The following ATP5F1A variants were observed in gnomAD, a reference collection of about 807,000 sequenced individuals.
ATP5F1A encodes the protein ATP synthase F1 subunit alpha.
Under a neutral mutation model 57.4 loss-of-function variants are expected in ATP5F1A, and 24 were observed. The ratio of observed to expected loss-of-function variants is 0.42; its 90% CI spans 0.30 to 0.59. The LOEUF (loss-of-function observed/expected upper bound fraction) is 0.59. ATP5F1A is among the 20% of genes least tolerant of loss of function. The pLI, the probability that ATP5F1A is intolerant of heterozygous loss-of-function variation, is 0.19. For synonymous variants in ATP5F1A, 251 were observed against 255.5 expected (o/e 0.98, Z 0.17); for missense variants, 494 against 707.9 (o/e 0.70, Z 3.43).
In ATP5F1A at chr18:46,081,448, T is replaced by G. The variant is rs1227225606; in HGVS notation, c.*2834A>C. 2 of 151,440 alleles carry G rather than the reference T, an allele frequency of 1.3e-5. No homozygotes were observed. Among genetic ancestry groups the G allele is most frequent in the Non-Finnish European group, 2.9e-5 (2 of 67,924 alleles). The allele number at this position is 151,440 out of a possible 1,614,324, so 9.4% of individuals were successfully genotyped here. ...TACTTTGGGAGGCCGGTGGACCACC[T>G]AAGGTCAGGAGTTTGAGACCAGCCT... On this transcript the variant is annotated 3_prime_UTR_variant, in exon 12 of 12. Transcript: ENST00000398752.
chr18:46,097,637 G>A (rs1356414389), intron 1 of ATP5F1A, among the ~76,000 whole-genome samples: 1 of 151,730 alleles, frequency 6.6e-6, no homozygotes, highest in African/African-American at 2.4e-5. Flanking sequence ...AGCACTAAGA[G>A]AAAGCCTACG....
intron 5 of ATP5F1A, among the ~76,000 whole-genome samples, chr18:46,088,885 AC>A (rs1910325445): frequency 6.6e-6 from 1 of 151,810 alleles, no homozygotes; most frequent in African/African-American, 2.4e-5. Flanking sequence ...GGAGAAAACC[AC>A]CCTATGGCTG....
At position 46,098,251 on chromosome 18, in the gene ATP5F1A, G is replaced by A. The variant is rs773802115; in HGVS notation, c.-20C>T. 5.0e-6 allele frequency: 8 copies of A among 1,601,956 alleles called. No individual in the cohort carries two copies. In the South Asian group the frequency reaches 7.7e-5, roughly 15 times the overall value. ...CAGCATCTTTGCAGTTACTCCGCAG[G>A]CGGTACTTCTGCAGCCGCAGCCTCC... On this transcript the variant is annotated 5_prime_UTR_variant, in exon 1 of 12. Coordinates refer to ENST00000398752, the MANE Select transcript of ATP5F1A (RefSeq NM_004046.6).
upstream of ATP5F1A, chr18:46,099,428 C>T (rs555495900): frequency 6.6e-6 from 1 of 151,694 alleles, no homozygotes; most frequent in East Asian, 1.9e-4. Flanking sequence ...TTAACGTTGC[C>T]TTCACTTTTC....
At chr18:46,102,335 G>GT (rs1037588996), upstream of ATP5F1A, among the ~76,000 whole-genome samples, 21 of 150,600 alleles carry the variant, frequency 1.4e-4, no homozygotes, top group Admixed American at 3.3e-4. Context: ...GTTTTTTTTT[G>GT]TTTTTTGTGG....
Position 46,088,234 on chromosome 18 carries a change from G to T in ATP5F1A, c.674C>A (p.Thr225Lys). 6.3e-7 allele frequency: 1 copy of T among 1,588,636 alleles called. No individual in the cohort carries two copies. The highest frequency in any genetic ancestry group is 8.5e-7 in the Non-Finnish European group (1 of 1,174,072). Residue 225 changes from threonine to lysine, a missense_variant, in exon 6 of 12, where the codon ACA becomes AAA. Around this residue, in one of 6 missense-constraint regions of ATP5F1A, gnomAD observed 191 missense variants for 267.7 expected, o/e 0.71. Transcript: ENST00000398752. ...ATTGAAACGTTTCTGGTTAATGATT[G>T]TGTCAATAGCAATTGAGGTTTTCCT... ...QTGKTSIAID[T>K]IINQKRFNDG...
At position 46,097,093 on chromosome 18, in the gene ATP5F1A, T is replaced by C. The variant is rs1911022681; in HGVS notation, c.60+1079A>G. Among the ~76,000 whole-genome samples the C allele has an allele frequency of 2.7e-5, 4 of 150,810 alleles. No homozygotes were observed. The South Asian group carries it at 8.4e-4, about 32-fold the overall frequency. ...GGACTTATTTTACTCTCTCAACAAA[T>C]CCTGCAGCCACCTGGAACTTCCTTC... On this transcript the variant is annotated intron_variant, in intron 1 of 11. Coordinates refer to ENST00000398752, the MANE Select transcript of ATP5F1A (RefSeq NM_004046.6).
intron 1 of ATP5F1A, chr18:46,097,841 C>T: frequency 8.8e-7 from 1 of 1,136,822 alleles, no homozygotes; most frequent in South Asian, 4.0e-5. Context: ...CTCACCGATT[C>T]AGAACAGGCC....
At chr18:46,085,846 T>C (rs1255819887) in intron 10 of ATP5F1A, 2 of 391,262 alleles carry the variant, frequency 5.1e-6, no homozygotes, top group Non-Finnish European at 9.1e-6. Context: ...GGCAGGAGAA[T>C]CGCGTGAATC....
intron 5 of ATP5F1A, among the ~76,000 whole-genome samples, chr18:46,088,900 G>GT (rs1162151595): frequency 2.0e-5 from 3 of 152,016 alleles, no homozygotes; most frequent in African/African-American, 7.2e-5. Flanking sequence ...ATGGCTGGAG[G>GT]TGAGATATGC....
intron 3 of ATP5F1A, among the ~76,000 whole-genome samples, chr18:46,090,501 A>G (rs568067989): frequency 6.6e-6 from 1 of 152,342 alleles, no homozygotes; most frequent in African/African-American, 2.4e-5. Context: ...GTAACCAATC[A>G]AATACAAATT....
At chr18:46,102,628 C>T (rs1911309685), upstream of ATP5F1A, among the ~76,000 whole-genome samples, 1 of 152,048 alleles carries the variant, frequency 6.6e-6, no homozygotes. Context: ...CCAGCCAGAG[C>T]AGAGATATGT....
At position 46,097,876 on chromosome 18, in the gene ATP5F1A, G is replaced by A. The variant is rs528555432; in HGVS notation, c.60+296C>T. 5.8e-6 allele frequency: 7 copies of A among 1,209,648 alleles called. No individual in the cohort carries two copies. The African/African-American group carries it at 7.9e-5, about 14-fold the overall frequency. 74.9% of individuals were successfully genotyped at this position (1,209,648 alleles called of 1,614,324 possible). ...CTCGGAGAGCTAGCGCCCAAGCCCT[G>A]ACCTTCACCCAAGATCCCCCTTCTA... On this transcript the variant is annotated intron_variant, in intron 1 of 11. Transcript: ENST00000398752.
upstream of ATP5F1A, among the ~76,000 whole-genome samples, chr18:46,101,868 A>G (rs1381805654): frequency 7.1e-6 from 1 of 141,752 alleles, no homozygotes. Context: ...CAACACAGTG[A>G]GATTCTGTCT....
At chr18:46,098,049 C>G (rs1178983545) in intron 1 of ATP5F1A, 123 bp downstream of exon 1, 1 of 1,436,268 alleles carries the variant, frequency 7.0e-7, no homozygotes, top group Non-Finnish European at 9.1e-7. Flanking sequence ...GGAGAAGCCA[C>G]GGGTGCAAGA....
At chr18:46,088,033 T>C in intron 6 of ATP5F1A, 76 bp downstream of exon 6, 1 of 1,506,146 alleles carries the variant, frequency 6.6e-7, no homozygotes, top group Non-Finnish European at 9.0e-7. Flanking sequence ...TATGCCTTCA[T>C]TAAGTAGAAG....
At chr18:46,086,543 A>C in intron 8 of ATP5F1A, 49 bp from the exon 9 acceptor site, 1 of 1,525,052 alleles carries the variant, frequency 6.6e-7, no homozygotes. Flanking sequence ...GTAAGAAATC[A>C]ACTATCTTCA....
At chr18:46,099,595 C>T (rs1482906223), upstream of ATP5F1A, among the ~76,000 whole-genome samples, 1 of 152,104 alleles carries the variant, frequency 6.6e-6, no homozygotes, top group Non-Finnish European at 1.5e-5. Flanking sequence ...GGTCCCACCA[C>T]CATGCCTGGC....
intron 8 of ATP5F1A, 36 bp from the exon 9 acceptor site, chr18:46,086,530 AAAGT>A: frequency 3.8e-6 from 6 of 1,567,608 alleles, no homozygotes; most frequent in Non-Finnish European, 5.2e-6. Context: ...TAGCAAGCTT[AAAGT>A]AAGAAATCAA....
Sources: gnomAD v4.1 joint callset for allele counts (sites outside exome capture counted in the v4.1 genomes callset) on GRCh38, gnomAD v4.1.1 for gene constraint, gnomAD v4.1.1 regional missense constraint, MANE v1.5 for transcripts, NCBI Gene and HGNC (gene_info 2026-07-23, HGNC 2026-07-21) for gene names.